The following IDO1 variants were observed in gnomAD, a reference collection of about 807,000 sequenced individuals.
IDO1 encodes the protein indoleamine 2,3-dioxygenase 1.
A neutral mutation model predicts 38.8 loss-of-function variants in IDO1; 35 were observed. The ratio of observed to expected loss-of-function variants is 0.90; its 90% CI spans 0.69 to 1.20. The LOEUF (loss-of-function observed/expected upper bound fraction) is 1.20. Ranked by LOEUF, IDO1 falls within the 50% of genes most tolerant of loss-of-function variation. IDO1 has a pLI of 0.00. For missense variants in IDO1, 509 were observed against 485.1 expected, an observed-to-expected ratio of 1.05 and a Z score of -0.46; for synonymous variants, 171 against 170.0, an observed-to-expected ratio of 1.01 and a Z score of -0.05.
chr8:39,928,029 G>A lies in IDO1; in HGVS notation c.1056G>A (p.Lys352=), dbSNP rs1807394553. 6.2e-7 allele frequency: 1 copy of A among 1,607,992 alleles called. No homozygotes were observed. The highest frequency in any genetic ancestry group is 8.5e-7 in the Non-Finnish European group (1 of 1,177,110). Residue 352 remains lysine, a synonymous_variant, in exon 10 of 10, where the codon AAG becomes AAA. Coordinates refer to ENST00000518237, the MANE Select transcript of IDO1 (RefSeq NM_002164.6). ...LRSYHLQIVT[K]YILIPASQQP... ...GCTACCATCTGCAAATCGTGACTAAGTACATCCTGATTCCTGCAAGCCAGC... is the reference window on the plus strand; with the variant it reads ...GCTACCATCTGCAAATCGTGACTAAATACATCCTGATTCCTGCAAGCCAGC...
Position 39,919,494 on chromosome 8 carries a change from G to A in IDO1, c.422+561G>A, listed in dbSNP as rs904955035. ...AGGCAGCAATGACTGGTTTCTCAGAGCAGTCTGCTCAGGATATAGGTGATT... is the reference window on the plus strand; with the variant it reads ...AGGCAGCAATGACTGGTTTCTCAGAACAGTCTGCTCAGGATATAGGTGATT... On this transcript the variant is annotated intron_variant, in intron 4 of 9. Transcript: ENST00000518237. Among the ~76,000 whole-genome samples, 6 of 152,172 alleles carry A rather than the reference G, an allele frequency of 3.9e-5. No individual in the cohort carries two copies. In the East Asian group the frequency reaches 1.2e-3, roughly 29 times the overall value.
At chr8:39,922,844 A>G (rs1015985739) in intron 6 of IDO1, 193 bp downstream of exon 6, 4 of 587,648 alleles carry the variant, frequency 6.8e-6, no homozygotes, top group Non-Finnish European at 1.2e-5. Context: ...AGAGCCATAT[A>G]CTTAAAATCC....
In IDO1 at chr8:39,923,450, T is replaced by TTTTG; in HGVS notation, c.538-7_538-4dup. 1 of 1,325,304 alleles carries TTTTG rather than the reference T, an allele frequency of 7.5e-7. No homozygotes were observed. Among genetic ancestry groups the TTTTG allele is most frequent in the Non-Finnish European group, 1.1e-6 (1 of 920,898 alleles). 82.1% of individuals were successfully genotyped at this position (1,325,304 alleles called of 1,614,324 possible). A position where few individuals can be genotyped will look rare whatever the true frequency, so the allele number is the denominator to read the frequency against. ...AGAAAGAAAACCTTAAATGTTTGTG[T>TTTTG]TTTGTTTGTTTGTTTTAGGTAATTC... On this transcript the variant is annotated intron_variant, in intron 6 of 9. Transcript: ENST00000518237.
rs781497792 is a variant in IDO1 at position 39,918,802 on chromosome 8, G to C, written c.304-13G>C. 8.8e-7 allele frequency: 1 copy of C among 1,136,960 alleles called. No individual in the cohort carries two copies. The highest frequency in any genetic ancestry group is 1.3e-6 in the Non-Finnish European group (1 of 755,776). 70.4% of individuals were successfully genotyped at this position (1,136,960 alleles called of 1,614,324 possible). A position where few individuals can be genotyped will look rare whatever the true frequency, so the allele number is the denominator to read the frequency against. On this transcript the variant is annotated splice_polypyrimidine_tract_variant and intron_variant, in intron 3 of 9. Transcript: ENST00000518237. ...AACAACAACAAAAAACCTAACTACT[G>C]TATTTTAATCAGGTCTTGCCAAGAA...
At chr8:39,920,180 C>G in intron 5 of IDO1, 66 bp downstream of exon 5, 2 of 1,234,818 alleles carry the variant, frequency 1.6e-6, no homozygotes, top group Non-Finnish European at 2.3e-6. Flanking sequence ...GTAGGTTTAT[C>G]AATAGACTCC....
intron 1 of IDO1, among the ~76,000 whole-genome samples, chr8:39,916,365 C>A (rs765113466): frequency 1.3e-5 from 2 of 151,544 alleles, no homozygotes; most frequent in Non-Finnish European, 2.9e-5. Context: ...GTAGTCCCAG[C>A]TACTTGAGAG....
Position 39,921,790 on chromosome 8 carries a change from G to A in IDO1, c.438-762G>A, listed in dbSNP as rs187141442. Among the ~76,000 whole-genome samples the A allele has an allele frequency of 3.9e-5, 6 of 152,176 alleles. No individual in the cohort carries two copies. In the East Asian group the frequency reaches 9.7e-4, roughly 24 times the overall value. On this transcript the variant is annotated intron_variant, in intron 5 of 9. Coordinates refer to ENST00000518237, the MANE Select transcript of IDO1 (RefSeq NM_002164.6). ...GGGTCTAATCAGTTATTTGAATTTC[G>A]CAGTCAATTCCTTTGTAAAGCATAT...
At chr8:39,924,893 T>C (rs967836359) in intron 8 of IDO1, 121 bp downstream of exon 8, 7 of 777,546 alleles carry the variant, frequency 9.0e-6, no homozygotes, top group African/African-American at 6.9e-5. Context: ...AAAATTCACA[T>C]GGTAGAAAAA....
chr8:39,923,694 C>T lies in IDO1; in HGVS notation c.655+108C>T, dbSNP rs952285323. The T allele has an allele frequency of 1.1e-5, 7 of 613,490 alleles. No individual in the cohort carries two copies. In the African/African-American group the frequency reaches 1.3e-4, roughly 11 times the overall value. The allele number at this position is 613,490 out of a possible 1,614,324, so 38.0% of individuals were successfully genotyped here. The stretch of plus-strand genomic sequence containing the variant: ...AAGCAACTATCACTTAGTATGTTTT[C>T]ACTTTAGGTATTTTATCTTACTAAA... On this transcript the variant is annotated intron_variant, in intron 7 of 9. Coordinates refer to ENST00000518237, the MANE Select transcript of IDO1 (RefSeq NM_002164.6).
At chr8:39,916,403 G>A (rs1460528309) in intron 1 of IDO1, among the ~76,000 whole-genome samples, 1 of 151,804 alleles carries the variant, frequency 6.6e-6, no homozygotes, top group East Asian at 1.9e-4. Context: ...GTTTGAACCT[G>A]GGAGGCGGAG....
At chr8:39,914,586 T>C (rs1177374426) in intron 1 of IDO1, among the ~76,000 whole-genome samples, 3 of 152,154 alleles carry the variant, frequency 2.0e-5, no homozygotes, top group African/African-American at 7.2e-5. Context: ...GTACAAGGTA[T>C]GTGGAAAAAA....
At chr8:39,924,798 T>C in intron 8 of IDO1, 26 bp downstream of exon 8, 1 of 1,560,104 alleles carries the variant, frequency 6.4e-7, no homozygotes, top group East Asian at 2.2e-5. Context: ...TTTGAATTTG[T>C]TTGCTCTCAC....
At chr8:39,924,430 T>C (rs931789379) in intron 7 of IDO1, among the ~76,000 whole-genome samples, 6 of 152,162 alleles carry the variant, frequency 3.9e-5, no homozygotes, top group Admixed American at 1.3e-4. Context: ...TTGGTTTGTT[T>C]TGATTTGTTT....
At chr8:39,920,196 C>A in intron 5 of IDO1, 82 bp downstream of exon 5, 1 of 1,098,208 alleles carries the variant, frequency 9.1e-7, no homozygotes, top group Non-Finnish European at 1.3e-6. Context: ...ACTCCAAATG[C>A]ATTTTTAAAT....
chr8:39,923,054 G>C (rs1405135215), intron 6 of IDO1: 1 of 215,342 alleles, frequency 4.6e-6, no homozygotes, highest in Non-Finnish European at 9.2e-6. Flanking sequence ...TAGTCAAATA[G>C]AGTGTCCAGC....
In IDO1 at chr8:39,928,215, A is replaced by G. The variant is rs371336850; in HGVS notation, c.*30A>G. On this transcript the variant is annotated 3_prime_UTR_variant, in exon 10 of 10. Coordinates refer to ENST00000518237, the MANE Select transcript of IDO1 (RefSeq NM_002164.6). ...ACCCAACAAGAGCACATTTTATCAT[A>G]GCAGAGACATCTGTATGCATTCCTG... is the stretch of plus-strand genomic sequence containing the variant. 5 of 1,485,556 alleles carry G rather than the reference A, an allele frequency of 3.4e-6. No homozygotes were observed. Among genetic ancestry groups the G allele is most frequent in the Non-Finnish European group, 3.7e-6 (4 of 1,083,184 alleles). 92.0% of individuals were successfully genotyped at this position (1,485,556 alleles called of 1,614,324 possible).
chr8:39,921,239 G>A (rs1006678672), intron 5 of IDO1, among the ~76,000 whole-genome samples: 3 of 151,992 alleles, frequency 2.0e-5, no homozygotes, highest in Non-Finnish European at 4.4e-5. Flanking sequence ...AATCACCTGA[G>A]GTCAGGCATT....
rs1161646596 is a variant in IDO1 at position 39,927,868 on chromosome 8, A to G, written c.895A>G (p.Met299Val). The change falls in exon 10 of 10, where the codon ATG becomes GTG. Residue 299 changes from methionine to valine, a missense_variant. Transcript: ENST00000518237. ...GTTCCTCCAGGACATGAGAAGATATATGCCACCAGCTCACAGGAACTTCCT... is the reference window on the plus strand; with the variant it reads ...GTTCCTCCAGGACATGAGAAGATATGTGCCACCAGCTCACAGGAACTTCCT... ...AQFLQDMRRY[M>V]PPAHRNFLCS... 2 of 1,576,452 alleles carry G rather than the reference A, an allele frequency of 1.3e-6. No homozygotes were observed. Among genetic ancestry groups the G allele is most frequent in the African/African-American group, 1.4e-5 (1 of 73,600 alleles).
rs749685285 is a variant in IDO1 at position 39,923,467 on chromosome 8, A to T, written c.538-2A>T. 7.5e-6 allele frequency: 11 copies of T among 1,457,554 alleles called. No individual in the cohort carries two copies. Among genetic ancestry groups the T allele is most frequent in the South Asian group, 1.1e-5 (1 of 87,518 alleles). 90.3% of individuals were successfully genotyped at this position (1,457,554 alleles called of 1,614,324 possible). On this transcript the variant is annotated splice_acceptor_variant, in intron 6 of 9. Coordinates refer to ENST00000518237, the MANE Select transcript of IDO1 (RefSeq NM_002164.6). LOFTEE classifies it high-confidence loss of function. ...TGTTTGTGTTTTGTTTGTTTGTTTT[A>T]GGTAATTCCTACTGTATTCAAGGCA...
Sources: gnomAD v4.1 joint callset for allele counts (sites outside exome capture counted in the v4.1 genomes callset) on GRCh38, gnomAD v4.1.1 for gene constraint, MANE v1.5 for transcripts, NCBI Gene and HGNC (gene_info 2026-07-23, HGNC 2026-07-21) for gene names.